KCNH1: variants seen among roughly 807,000 people sequenced by gnomAD.
The protein encoded by KCNH1 is potassium voltage-gated channel subfamily H member 1.
Under a neutral mutation model 69.2 loss-of-function variants are expected in KCNH1, and 27 were observed. That is an observed-to-expected ratio of 0.39 (90% CI 0.29 to 0.54). The LOEUF is 0.54. KCNH1 is among the 20% of genes least tolerant of loss of function. The probability of loss-of-function intolerance (pLI) is 0.68; values close to 1 mark genes in which losing one functional copy is unlikely to be tolerated. For synonymous variants in KCNH1, 456 were observed against 487.7 expected (o/e 0.93, Z 0.86); for missense variants, 798 against 1,261.6 (o/e 0.63, Z 5.57).
At chr1:210,871,460 T>C (rs557453359) in intron 7 of KCNH1, among the ~76,000 whole-genome samples, 2 of 152,302 alleles carry the variant, frequency 1.3e-5, no homozygotes, top group Non-Finnish European at 2.9e-5. Context: ...GGTGGGACTG[T>C]AAACCAGTTC....
At chr1:211,044,633 CA>C (rs1690059560) in intron 5 of KCNH1, among the ~76,000 whole-genome samples, 1 of 152,014 alleles carries the variant, frequency 6.6e-6, no homozygotes, top group African/African-American at 2.4e-5. Context: ...AGAAGATATT[CA>C]AATGGCCAAC....
rs149148656 is a variant in KCNH1 at position 210,986,762 on chromosome 1, T to A, written c.1032+32021A>T. On this transcript the variant is annotated intron_variant, in intron 6 of 10. Transcript: ENST00000271751. ...TTGGTGAATCTGACAATTATGTGTC[T>A]TGGAGTTGCTCTTCTCGAGGAGTAT... is the stretch of plus-strand genomic sequence containing the variant. Among the ~76,000 whole-genome samples the A allele has an allele frequency of 8.5e-3, 1,300 of 152,334 alleles. 18 individuals carry two copies. The highest frequency in any genetic ancestry group is 0.03 in the African/African-American group (1,237 of 41,570).
rs568410013 is a variant in KCNH1, at chr1:210,984,379, T to C, written c.1032+34404A>G. On this transcript the variant is annotated intron_variant, in intron 6 of 10. Coordinates refer to ENST00000271751, the MANE Select transcript of KCNH1 (RefSeq NM_172362.3). ...TTTTCAAAGGGAATGCTTCCAGTTT[T>C]TGTCCATTCAGTATGATATTGGCTG... 5.7e-3 allele frequency among the ~76,000 whole-genome samples: 875 copies of C among 152,318 alleles called. 13 individuals are homozygous for C. The highest frequency in any genetic ancestry group is 0.02 in the African/African-American group (829 of 41,576).
chr1:210,684,141 GGA>G lies in KCNH1; in HGVS notation c.2113-5_2113-4del, dbSNP rs144706702. The G allele has an allele frequency of 7.3e-3, 7,638 of 1,040,106 alleles. No homozygotes were observed. The highest frequency in any genetic ancestry group is 0.025 in the South Asian group (1,260 of 50,488). 64.4% of individuals were successfully genotyped at this position (1,040,106 alleles called of 1,614,324 possible). ...TCGCTGATCTTCCGGAACACAATCT[GGA>G]GAGAGAGAGAGAGAGAATGACATGG... On this transcript the variant is annotated splice_region_variant and splice_polypyrimidine_tract_variant and intron_variant, in intron 10 of 10. Coordinates refer to ENST00000271751, the MANE Select transcript of KCNH1 (RefSeq NM_172362.3).
intron 10 of KCNH1, among the ~76,000 whole-genome samples, chr1:210,733,503 G>C (rs1682795834): frequency 1.3e-5 from 2 of 152,192 alleles, no homozygotes; most frequent in Non-Finnish European, 2.9e-5. Context: ...ATTGATCTGG[G>C]TTAAGGCTCT....
At position 211,035,247 on chromosome 1, in the gene KCNH1, T is replaced by A. The variant is rs1294301098; in HGVS notation, c.559-15991A>T. On this transcript the variant is annotated intron_variant, in intron 5 of 10. Coordinates refer to ENST00000271751, the MANE Select transcript of KCNH1 (RefSeq NM_172362.3). ...AGGGTACTGGCATTCTTTTTTTTTTTTTTTTTTTTTTTTTTTTTTGAGACG... is the reference window on the plus strand; with the variant it reads ...AGGGTACTGGCATTCTTTTTTTTTTATTTTTTTTTTTTTTTTTTTGAGACG... Among the ~76,000 whole-genome samples, 9 of 126,928 alleles carry A rather than the reference T, an allele frequency of 7.1e-5. 1 individual carries two copies. The highest frequency in any genetic ancestry group is 9.9e-5 in the Non-Finnish European group (6 of 60,382). 83.3% of individuals were successfully genotyped at this position (126,928 alleles called of 152,430 possible).
At chr1:210,885,856 T>C (rs12129155) in intron 7 of KCNH1, among the ~76,000 whole-genome samples, 19,507 of 152,246 alleles carry the variant, frequency 0.13, 1,689 homozygotes, top group Non-Finnish European at 0.17. Flanking sequence ...TCCTCCTCTC[T>C]GGGCAGACCA....
intron 10 of KCNH1, among the ~76,000 whole-genome samples, chr1:210,748,352 A>T (rs1683208982): frequency 6.6e-6 from 1 of 152,208 alleles, no homozygotes; most frequent in Admixed American, 6.5e-5. Context: ...TTTTAGAAAC[A>T]GAAGGAGAAA....
chr1:210,849,709 A>G (rs989801404), intron 7 of KCNH1, among the ~76,000 whole-genome samples: 2 of 152,052 alleles, frequency 1.3e-5, no homozygotes, highest in Admixed American at 1.3e-4. Context: ...TAGAAGTTCA[A>G]TATGTAAAAC....
intron 7 of KCNH1, among the ~76,000 whole-genome samples, chr1:210,910,757 A>C (rs1474943324): frequency 6.6e-6 from 1 of 152,266 alleles, no homozygotes; most frequent in African/African-American, 2.4e-5. Context: ...AGAGGTGAAT[A>C]AAGAATGTGT....
intron 6 of KCNH1, among the ~76,000 whole-genome samples, chr1:210,961,631 G>A (rs1032485053): frequency 6.6e-6 from 1 of 151,838 alleles, no homozygotes; most frequent in East Asian, 1.9e-4. Context: ...ACCTGAGGTC[G>A]GGAGTTCAAG....
chr1:210,912,929 T>G (rs893590434), intron 7 of KCNH1, among the ~76,000 whole-genome samples: 27 of 152,206 alleles, frequency 1.8e-4, no homozygotes, highest in African/African-American at 6.5e-4. Context: ...GCAAAAAAGA[T>G]AGCCATGACG....
chr1:211,090,370 A>C (rs1266526695), intron 4 of KCNH1, among the ~76,000 whole-genome samples, 192 bp downstream of exon 4: 1 of 152,230 alleles, frequency 6.6e-6, no homozygotes, highest in Non-Finnish European at 1.5e-5. Context: ...TTTCCTAAAC[A>C]AAGTGTTTTT....
chr1:211,026,755 G>A (rs780129297), intron 5 of KCNH1, among the ~76,000 whole-genome samples: 1 of 152,136 alleles, frequency 6.6e-6, no homozygotes, highest in Non-Finnish European at 1.5e-5. Context: ...GTGGAGAGTT[G>A]GGATTTCCAC....
rs139853395 is a variant in KCNH1, at chr1:210,852,263, G to A, written c.1463-48097C>T. The stretch of plus-strand genomic sequence containing the variant: ...AGGCCCAGAGGGAAGGAGGGGCTTG[G>A]CATGTTCAAAAGCTCAAAGAAGCTC... On this transcript the variant is annotated intron_variant, in intron 7 of 10. Transcript: ENST00000271751. Among the ~76,000 whole-genome samples, 290 of 152,270 alleles carry A rather than the reference G, an allele frequency of 1.9e-3. 1 individual carries two copies. The highest frequency in any genetic ancestry group is 6.5e-3 in the African/African-American group (269 of 41,556).
chr1:210,695,305 C>T (rs1216011366), intron 10 of KCNH1, among the ~76,000 whole-genome samples: 1 of 152,182 alleles, frequency 6.6e-6, no homozygotes, highest in Non-Finnish European at 1.5e-5. Flanking sequence ...GGAATTTTTC[C>T]ACTTGTGAGA....
At chr1:210,850,524 G>T (rs1472410126) in intron 7 of KCNH1, among the ~76,000 whole-genome samples, 1 of 152,004 alleles carries the variant, frequency 6.6e-6, no homozygotes, top group Non-Finnish European at 1.5e-5. Flanking sequence ...AAGAAAAAAT[G>T]TTTTTTAAAA....
intron 10 of KCNH1, among the ~76,000 whole-genome samples, chr1:210,702,025 G>A (rs1248270628): frequency 1.3e-5 from 2 of 152,006 alleles, no homozygotes; most frequent in Non-Finnish European, 2.9e-5. Context: ...GGAACTCTTG[G>A]CTGAAATTCA....
intron 5 of KCNH1, among the ~76,000 whole-genome samples, chr1:211,024,869 T>C (rs926302252): frequency 1.3e-5 from 2 of 151,552 alleles, no homozygotes; most frequent in African/African-American, 4.8e-5. Flanking sequence ...GCATGCTGGC[T>C]GGTCCAAAGT....
Sources: gnomAD v4.1 joint callset for allele counts (sites outside exome capture counted in the v4.1 genomes callset) on GRCh38, gnomAD v4.1.1 for gene constraint, MANE v1.5 for transcripts, NCBI Gene and HGNC (gene_info 2026-07-23, HGNC 2026-07-21) for gene names.